The following ZNF638 variants were observed in gnomAD, a reference collection of about 807,000 sequenced individuals.
The protein encoded by ZNF638 is CTCL tumor antigen se33-1.
ZNF638 carries 46 observed loss-of-function variants against 195.6 expected under a neutral mutation model. The ratio of observed to expected loss-of-function variants is 0.24; its 90% CI spans 0.19 to 0.30. The LOEUF is 0.30. Ranked by LOEUF, ZNF638 falls within the 10% of genes least tolerant of loss-of-function variation. ZNF638 has a pLI of 1.00. For synonymous variants in ZNF638, 845 were observed against 772.0 expected, an observed-to-expected ratio of 1.09 and a Z score of -1.57; for missense variants, 2,440 against 2,325.3, an observed-to-expected ratio of 1.05 and a Z score of -1.01.
intron 3 of ZNF638, 76 bp downstream of exon 3, chr2:71,355,856 C>G: frequency 1.3e-6 from 1 of 785,776 alleles, no homozygotes; most frequent in South Asian, 2.1e-5. Context: ...CTGTTAAATA[C>G]CTTTAGTATA....
intron 1 of ZNF638, chr2:71,334,416 G>C (rs2078627761): frequency 6.6e-6 from 1 of 152,172 alleles, no homozygotes; most frequent in Non-Finnish European, 1.5e-5. Flanking sequence ...TCTCCAAATT[G>C]AAAGTAATTA....
At position 71,423,196 on chromosome 2, in the gene ZNF638, A is replaced by G. The variant is rs1209395020; in HGVS notation, c.3682A>G (p.Ser1228Gly). 2.5e-6 allele frequency: 4 copies of G among 1,614,168 alleles called. No homozygotes were observed. The highest frequency in any genetic ancestry group is 3.4e-6 in the Non-Finnish European group (4 of 1,180,002). The change falls in exon 22 of 28, where the codon AGT becomes GGT. Residue 1228 changes from serine (S) to glycine (G), a missense_variant. This residue lies in a region of ZNF638 where 1,883 missense variants were observed against 1,739.1 expected (regional missense o/e 1.08). Coordinates refer to ENST00000264447, the MANE Select transcript of ZNF638 (RefSeq NM_014497.5). ...NPKTALLPSDSVFAEERNLKG... is the reference protein window; with the variant it reads ...NPKTALLPSDGVFAEERNLKG... ...TAAAACAGCATTGTTACCATCTGAC[A>G]GTGTGTTTGCAGAAGAAAGGAACCT...
chr2:71,404,134 C>T (rs977985208), intron 17 of ZNF638, 136 bp downstream of exon 17: 2 of 798,912 alleles, frequency 2.5e-6, no homozygotes, highest in Non-Finnish European at 3.9e-6. Context: ...TCCTGTCCCT[C>T]CAACAATCAC....
At chr2:71,344,170 T>C (rs1205766084) in intron 1 of ZNF638, among the ~76,000 whole-genome samples, 1 of 152,246 alleles carries the variant, frequency 6.6e-6, no homozygotes, top group Non-Finnish European at 1.5e-5. Flanking sequence ...CCTCTACTTT[T>C]AGTATCCAAA....
intron 20 of ZNF638, among the ~76,000 whole-genome samples, chr2:71,411,474 A>C (rs867163454): frequency 8.1e-6 from 1 of 122,772 alleles, no homozygotes; most frequent in Non-Finnish European, 1.7e-5. Context: ...TTTATTTTTA[A>C]TTTTTTTTTT....
At chr2:71,424,186 C>G in intron 22 of ZNF638, 148 bp downstream of exon 22, 1 of 1,079,632 alleles carries the variant, frequency 9.3e-7, no homozygotes, top group Admixed American at 2.9e-5. Flanking sequence ...TTAAATGATT[C>G]CATTGTTTAA....
chr2:71,364,149 A>ATCCCGT lies in ZNF638; in HGVS notation c.1617_1622dup (p.Arg540_Ser541dup). The ATCCCGT allele has an allele frequency of 6.2e-7, 1 of 1,614,052 alleles. No individual in the cohort carries two copies. Among genetic ancestry groups the ATCCCGT allele is most frequent in the Non-Finnish European group, 8.5e-7 (1 of 1,179,906 alleles). On this transcript the variant is annotated inframe_insertion, in exon 5 of 28. Transcript: ENST00000264447. ...TTTCTAGATACAGATCCAGATCCAG[A>ATCCCGT]TCCCGTTCACCATATCGAATTAGAA... is the stretch of plus-strand genomic sequence containing the variant.
At chr2:71,334,225 C>G (rs780056818) in intron 1 of ZNF638, among the ~76,000 whole-genome samples, 16 of 152,202 alleles carry the variant, frequency 1.1e-4, no homozygotes, top group Admixed American at 3.3e-4. Flanking sequence ...AAATCATGCT[C>G]TTTCCACTGT....
intron 3 of ZNF638, among the ~76,000 whole-genome samples, chr2:71,361,191 G>C (rs753379939): frequency 2.6e-5 from 4 of 152,048 alleles, no homozygotes; most frequent in Non-Finnish European, 5.9e-5. Flanking sequence ...GAGCTCAAGC[G>C]ATCTGCCTAC....
At position 71,423,056 on chromosome 2, in the gene ZNF638, T is replaced by G. The variant is rs754995127; in HGVS notation, c.3542T>G (p.Val1181Gly). The G allele has an allele frequency of 1.2e-6, 2 of 1,614,154 alleles. No homozygotes were observed. The highest frequency in any genetic ancestry group is 3.3e-5 in the Admixed American group (2 of 60,020). Residue 1181 changes from valine (V) to glycine (G), a missense_variant, in exon 22 of 28, where the codon GTA becomes GGA. By Grantham distance (109) the Val-to-Gly change is moderately radical (BLOSUM62 -3). This residue lies in a region of ZNF638 where 1,883 missense variants were observed against 1,739.1 expected (regional missense o/e 1.08). Transcript: ENST00000264447. ...GEEVKEEIPL[V>G]ASASVSIEQF... ...GAGGTCAAAGAAGAAATTCCTCTTG[T>G]AGCATCCGCTTCAGTCAGTATTGAA...
intron 1 of ZNF638, among the ~76,000 whole-genome samples, chr2:71,343,819 C>T (rs964071630): frequency 1.3e-5 from 2 of 152,174 alleles, no homozygotes; most frequent in African/African-American, 4.8e-5. Context: ...TGTTGTATCA[C>T]ACCATCTCCT....
chr2:71,355,725 A>T lies in ZNF638; in HGVS notation c.1324A>T (p.Ile442Phe). ...TTTTCTCCTTTTACAATAGGATTGG[A>T]TTCAGCATCAAAATACATCTACTCA... ...NVECSHLKDW[I>F]QHQNTSTHIE... is the part of the protein sequence containing the mutation. Residue 442 changes from isoleucine (I) to phenylalanine (F), a missense_variant, in exon 3 of 28, where the codon ATT becomes TTT. By Grantham distance (21) the Ile-to-Phe change is conservative. Transcript: ENST00000264447. 6.3e-7 allele frequency: 1 copy of T among 1,596,450 alleles called. No homozygotes were observed. Among genetic ancestry groups the T allele is most frequent in the South Asian group, 1.1e-5 (1 of 88,020 alleles).
intron 16 of ZNF638, among the ~76,000 whole-genome samples, chr2:71,402,653 A>G (rs1361840343): frequency 1.3e-5 from 2 of 152,142 alleles, no homozygotes; most frequent in Admixed American, 6.5e-5. Context: ...GTTTATCTTT[A>G]TGTTCTAAAT....
intron 2 of ZNF638, among the ~76,000 whole-genome samples, chr2:71,352,955 C>T (rs2078966688): frequency 6.6e-6 from 1 of 152,174 alleles, no homozygotes; most frequent in Admixed American, 6.5e-5. Context: ...AACAGCACAA[C>T]AGAATGGGGC....
At chr2:71,399,187 T>A (rs1208166353) in intron 12 of ZNF638, among the ~76,000 whole-genome samples, 1 of 152,152 alleles carries the variant, frequency 6.6e-6, no homozygotes, top group Non-Finnish European at 1.5e-5. Context: ...GGAACACTAT[T>A]TAAAATAAAT....
chr2:71,430,467 A>G (rs978851822), intron 25 of ZNF638, among the ~76,000 whole-genome samples: 2 of 152,202 alleles, frequency 1.3e-5, no homozygotes, highest in Non-Finnish European at 2.9e-5. Flanking sequence ...CCATCCCCTC[A>G]GGAATACTAA....
intron 20 of ZNF638, 159 bp downstream of exon 20, chr2:71,408,406 A>G: frequency 2.2e-6 from 2 of 918,032 alleles, no homozygotes; most frequent in Non-Finnish European, 3.1e-6. Context: ...AAAGCAGTAT[A>G]AATTTGTCTA....
chr2:71,389,951 C>CA (rs1266852024), intron 10 of ZNF638, among the ~76,000 whole-genome samples: 1 of 152,148 alleles, frequency 6.6e-6, no homozygotes, highest in Non-Finnish European at 1.5e-5. Context: ...CTGAAACACA[C>CA]AAAGCCAAAA....
intron 23 of ZNF638, among the ~76,000 whole-genome samples, chr2:71,424,954 A>G (rs1220216073): frequency 6.6e-6 from 1 of 152,176 alleles, no homozygotes; most frequent in African/African-American, 2.4e-5. Flanking sequence ...AAAATGTTAT[A>G]TGGGGACAGA....
Sources: gnomAD v4.1 joint callset for allele counts (sites outside exome capture counted in the v4.1 genomes callset) on GRCh38, gnomAD v4.1.1 for gene constraint, gnomAD v4.1.1 regional missense constraint, MANE v1.5 for transcripts, NCBI Gene and HGNC (gene_info 2026-07-23, HGNC 2026-07-21) for gene names.